Variants in DEPDC1 observed in about 807,000 individuals in gnomAD.
DEPDC1 encodes DEP domain-containing protein 1A.
Under a neutral mutation model 86.8 loss-of-function variants are expected in DEPDC1, and 66 were observed. The observed-to-expected ratio is 0.76, with a 90% CI of 0.62 to 0.93. The LOEUF (loss-of-function observed/expected upper bound fraction) is 0.93. DEPDC1 is among the 40% of genes least tolerant of loss of function. DEPDC1 has a pLI of 0.00. For missense variants in DEPDC1, 792 were observed against 935.7 expected (o/e 0.85, Z 2.00); for synonymous variants, 255 against 314.9 (o/e 0.81, Z 2.02).
Position 68,482,292 on chromosome 1 carries a change from GT to G in DEPDC1, c.1515del (p.Lys505AsnfsTer11), listed in dbSNP as rs1434507197. 1 of 1,612,670 alleles carries G rather than the reference GT, an allele frequency of 6.2e-7. No individual in the cohort carries two copies. The highest frequency in any genetic ancestry group is 1.3e-5 in the African/African-American group (1 of 74,848). ...AGCAAACTCTGAGACCTACAAAGCT[GT>G]TTTGACTTGCATTTCCCATTACACA... The part of the protein sequence containing the change: ...EELCNGKCKS[K>X]QLCRSQSLLL... On this transcript the variant is annotated frameshift_variant, in exon 8 of 12. Coordinates refer to ENST00000456315, the MANE Select transcript of DEPDC1 (RefSeq NM_001114120.3). LOFTEE classifies it high-confidence loss of function.
chr1:68,482,655 A>T lies in DEPDC1; in HGVS notation c.1153T>A (p.Leu385Ile), dbSNP rs753037353. Residue 385 changes from leucine (L) to isoleucine (I), a missense_variant, in exon 8 of 12, where the codon TTA (leucine) becomes ATA (isoleucine). Coordinates refer to ENST00000456315, the MANE Select transcript of DEPDC1 (RefSeq NM_001114120.3). Reference protein sequence around the residue: ...RCAKKMQLVNLRNRRVSANDI... With the variant: ...RCAKKMQLVNIRNRRVSANDI... ...TTAGCACTCACTCTTCTGTTTCTTA[A>T]ATTAACTAGCTGCATTTTCTTAGCA... is the stretch of plus-strand genomic sequence containing the variant. The T allele has an allele frequency of 5.0e-6, 8 of 1,612,614 alleles. No individual in the cohort carries two copies. Among genetic ancestry groups the T allele is most frequent in the Non-Finnish European group, 6.8e-6 (8 of 1,179,244 alleles).
chr1:68,481,860 A>G, intron 8 of DEPDC1, 186 bp downstream of exon 8: 1 of 657,234 alleles, frequency 1.5e-6, no homozygotes, highest in East Asian at 3.0e-5. Context: ...ATTGCAAAAA[A>G]GAAAATAAGT....
At chr1:68,480,415 TC>T (rs1214283342) in intron 9 of DEPDC1, among the ~76,000 whole-genome samples, 2 of 152,002 alleles carry the variant, frequency 1.3e-5, no homozygotes. Flanking sequence ...CCTGTCTCCT[TC>T]CATGGCTCAG....
chr1:68,481,601 G>A lies in DEPDC1; in HGVS notation c.1774C>T (p.Pro592Ser), dbSNP rs1646156258. Residue 592 changes from proline (P) to serine (S), a missense_variant, in exon 9 of 12, where the codon CCT (proline) becomes TCT (serine). Transcript: ENST00000456315. ...MLTGTQSLLQ[P>S]HLERVAIDAL... ...TCGATGGCAACCCTCTCTAAATGAG[G>A]TTGCAGCAAGCCTAGAATACAAAAA... The A allele has an allele frequency of 6.3e-7, 1 of 1,588,802 alleles. No individual in the cohort carries two copies.
At chr1:68,491,512 TAAC>T (rs1220105821) in intron 2 of DEPDC1, among the ~76,000 whole-genome samples, 1 of 151,964 alleles carries the variant, frequency 6.6e-6, no homozygotes, top group Non-Finnish European at 1.5e-5. Context: ...AACAAAAAAA[TAAC>T]AGGTGCTGGC....
intron 2 of DEPDC1, among the ~76,000 whole-genome samples, chr1:68,492,967 G>A (rs1646239542): frequency 6.6e-6 from 1 of 152,142 alleles, no homozygotes; most frequent in Admixed American, 6.5e-5. Flanking sequence ...CTTTCCAGGA[G>A]GCAGATGAAA....
rs776757767 is a variant in DEPDC1 at position 68,497,043 on chromosome 1, A to C, written c.-44T>G. 1 of 1,604,368 alleles carries C rather than the reference A, an allele frequency of 6.2e-7. No individual in the cohort carries two copies. Among genetic ancestry groups the C allele is most frequent in the African/African-American group, 1.3e-5 (1 of 74,440 alleles). On this transcript the variant is annotated 5_prime_UTR_variant, in exon 1 of 12. Transcript: ENST00000456315. ...TGGCGTCCATGGCGGCGAAGGCGAC[A>C]CTCAGGCCCAGCGGCCGCGGCAGTG...
chr1:68,487,960 T>G (rs1017130971), intron 5 of DEPDC1, among the ~76,000 whole-genome samples: 1 of 151,932 alleles, frequency 6.6e-6, no homozygotes, highest in Admixed American at 6.6e-5. Flanking sequence ...GTATATATGT[T>G]TGACTCCTGT....
At chr1:68,477,539 G>GA (rs1365009438) in intron 11 of DEPDC1, among the ~76,000 whole-genome samples, 1 of 151,434 alleles carries the variant, frequency 6.6e-6, no homozygotes, top group African/African-American at 2.4e-5. Context: ...AAATACCAGT[G>GA]AAAAAGGAGA....
chr1:68,486,805 T>A, intron 6 of DEPDC1, 132 bp downstream of exon 6: 2 of 1,071,894 alleles, frequency 1.9e-6, no homozygotes, highest in South Asian at 8.9e-5. Flanking sequence ...CATTTATAAA[T>A]AAAGAGAAAT....
At position 68,476,722 on chromosome 1, in the gene DEPDC1, T is replaced by C. The variant is rs569724124; in HGVS notation, c.*210A>G. On this transcript the variant is annotated 3_prime_UTR_variant, in exon 12 of 12. Coordinates refer to ENST00000456315, the MANE Select transcript of DEPDC1 (RefSeq NM_001114120.3). Reference sequence around the variant, plus strand: ...AGCTGTGTTAAAAACAAAAAGTATTTGGTATCATCTATTGTTATGTGCTCT... The same window carrying C: ...AGCTGTGTTAAAAACAAAAAGTATTCGGTATCATCTATTGTTATGTGCTCT... The C allele has an allele frequency of 2.5e-6, 1 of 405,300 alleles. No individual in the cohort carries two copies. The highest frequency in any genetic ancestry group is 4.4e-6 in the Non-Finnish European group (1 of 228,888). The allele number at this position is 405,300 out of a possible 1,614,324, so 25.1% of individuals were successfully genotyped here. A position where few individuals can be genotyped will look rare whatever the true frequency, so the allele number is the denominator to read the frequency against.
chr1:68,484,056 A>C lies in DEPDC1; in HGVS notation c.804T>G (p.Tyr268Ter), dbSNP rs771136769. ...PRSNDMNNPT[Y>*]VGFERDVFRT... Reference sequence around the variant, plus strand: ...TGAATACATCTCGTTCAAATCCAACATAAGTTGGATTATTCATATCATTGC... The same window carrying C: ...TGAATACATCTCGTTCAAATCCAACCTAAGTTGGATTATTCATATCATTGC... Residue 268 changes from tyrosine to a stop codon, truncating the protein, a stop_gained, in exon 7 of 12, where the codon TAT (tyrosine) becomes TAG (stop). Transcript: ENST00000456315. LOFTEE classifies it high-confidence loss of function. 1.3e-6 allele frequency: 2 copies of C among 1,583,266 alleles called. No individual in the cohort carries two copies. The highest frequency in any genetic ancestry group is 1.4e-5 in the African/African-American group (1 of 73,122).
chr1:68,492,432 C>A (rs971402291), intron 2 of DEPDC1, among the ~76,000 whole-genome samples: 1 of 151,924 alleles, frequency 6.6e-6, no homozygotes, highest in Admixed American at 6.6e-5. Flanking sequence ...AGAGGCCGGG[C>A]GTGGTGGCTC....
chr1:68,493,549 G>A (rs2100273864), intron 2 of DEPDC1, among the ~76,000 whole-genome samples: 1 of 152,248 alleles, frequency 6.6e-6, no homozygotes, highest in East Asian at 1.9e-4. Context: ...AACAAGATTT[G>A]TTGAAGCATG....
chr1:68,494,837 T>C (rs905682065), intron 1 of DEPDC1, 142 bp from the exon 2 acceptor site: 14 of 802,962 alleles, frequency 1.7e-5, no homozygotes, highest in Non-Finnish European at 2.5e-5. Context: ...TCATCTTATT[T>C]GTGCCATATA....
chr1:68,477,993 T>C (rs1646128958), intron 10 of DEPDC1, 21 bp from the exon 11 acceptor site: 2 of 1,469,786 alleles, frequency 1.4e-6, no homozygotes, highest in Non-Finnish European at 1.8e-6. Flanking sequence ...CAAAATGATA[T>C]AACTCTGTTA....
At chr1:68,490,538 T>C (rs899183043) in intron 2 of DEPDC1, among the ~76,000 whole-genome samples, 1 of 152,210 alleles carries the variant, frequency 6.6e-6, no homozygotes, top group African/African-American at 2.4e-5. Flanking sequence ...GTCTTTGCTA[T>C]TGTGAATACT....
rs1235644857 is a variant in DEPDC1, at chr1:68,481,827, TAA to T, written c.1762+217_1763-216del. ...ATTAAAATTCTTCACTTATTACAAA[TAA>T]AGTGACTCAGAATAAATGAAATTGC... On this transcript the variant is annotated intron_variant, in intron 8 of 11. Transcript: ENST00000456315. 5 of 603,476 alleles carry T rather than the reference TAA, an allele frequency of 8.3e-6. No individual in the cohort carries two copies. The African/African-American group carries it at 9.4e-5, about 11-fold the overall frequency. 37.4% of individuals were successfully genotyped at this position (603,476 alleles called of 1,614,324 possible).
Position 68,483,976 on chromosome 1 carries a change from T to C in DEPDC1, c.884A>G (p.Tyr295Cys). The C allele has an allele frequency of 1.3e-6, 2 of 1,531,866 alleles. No individual in the cohort carries two copies. The highest frequency in any genetic ancestry group is 1.8e-6 in the Non-Finnish European group (2 of 1,133,016). The allele number at this position is 1,531,866 out of a possible 1,614,324, so 94.9% of individuals were successfully genotyped here. A position where few individuals can be genotyped will look rare whatever the true frequency, so the allele number is the denominator to read the frequency against. The change falls in exon 7 of 12, where the codon TAT (tyrosine) becomes TGT (cysteine). Residue 295 changes from tyrosine to cysteine, a missense_variant. Tyr to Cys is a radical substitution (Grantham distance 194, BLOSUM62 -2). Coordinates refer to ENST00000456315, the MANE Select transcript of DEPDC1 (RefSeq NM_001114120.3). ...DLPEPLLTFE[Y>C]YELFVNILVV... ...CAAAATGTTTACAAATAATTCGTAA[T>C]ATTCAAAAGTAAGTAGAGGTTCAGG...
Sources: gnomAD v4.1 joint callset for allele counts (sites outside exome capture counted in the v4.1 genomes callset) on GRCh38, gnomAD v4.1.1 for gene constraint, MANE v1.5 for transcripts, NCBI Gene and HGNC (gene_info 2026-07-23, HGNC 2026-07-21) for gene names.